The following C8orf34 variants were observed in gnomAD, a reference collection of about 807,000 sequenced individuals.
C8orf34 encodes chromosome 8 open reading frame 34, also known as uncharacterized protein C8orf34.
In C8orf34, 65 loss-of-function variants were observed where a neutral mutation model predicts 68.3. The observed-to-expected ratio is 0.95, with a 90% confidence interval of 0.78 to 1.17. The LOEUF (loss-of-function observed/expected upper bound fraction) is 1.17, where lower values mean the gene tolerates loss of function less well. C8orf34 is among the 50% of genes most tolerant of loss of function. The pLI is 0.00. For missense variants in C8orf34, 664 were observed against 655.4 expected, an observed-to-expected ratio of 1.01 and a Z score of -0.14; for synonymous variants, 244 against 241.2, an observed-to-expected ratio of 1.01 and a Z score of -0.11.
At position 68,521,815 on chromosome 8, in the gene C8orf34, A is replaced by T; in HGVS notation, c.782A>T (p.Asn261Ile). The T allele has an allele frequency of 6.2e-7, 1 of 1,613,176 alleles. No homozygotes were observed. The highest frequency in any genetic ancestry group is 2.2e-5 in the East Asian group (1 of 44,836). The change falls in exon 6 of 14, where the codon AAT (asparagine) becomes ATT (isoleucine). Residue 261 changes from asparagine (N) to isoleucine (I), a missense_variant. By Grantham distance (149) the Asn-to-Ile change is moderately radical. Coordinates refer to ENST00000518698, the MANE Select transcript of C8orf34 (RefSeq NM_052958.4). ...DELDKETVTF[N>I]SSLLRPRVIG... ...TCTCTTCAGGAAACAGTGACATTTAATTCTTCTCTTCTGAGGCCCCGTGTG... is the reference window on the plus strand; with the variant it reads ...TCTCTTCAGGAAACAGTGACATTTATTTCTTCTCTTCTGAGGCCCCGTGTG...
At chr8:68,541,309 A>T (rs11990513) in intron 7 of C8orf34, among the ~76,000 whole-genome samples, 2,435 of 151,910 alleles carry the variant, frequency 0.016, 71 homozygotes, top group Admixed American at 0.066. Context: ...TTAAAAATTT[A>T]AAAAAAATTA....
chr8:68,665,949 T>C (rs1032403623), intron 8 of C8orf34, among the ~76,000 whole-genome samples: 10 of 152,228 alleles, frequency 6.6e-5, no homozygotes, highest in African/African-American at 2.4e-4. Flanking sequence ...CCAAAACACA[T>C]ATAATTACCA....
At position 68,588,934 on chromosome 8, in the gene C8orf34, G is replaced by A. The variant is rs117915910; in HGVS notation, c.1106-51442G>A. On this transcript the variant is annotated intron_variant, in intron 7 of 13. Transcript: ENST00000518698. ...CAGACTCCTCAACCCTGTTACTATC[G>A]TTCAGAGTAGCCACAGACAGTATGT... Among the ~76,000 whole-genome samples, 81 of 152,170 alleles carry A rather than the reference G, an allele frequency of 5.3e-4. No homozygotes were observed. In the East Asian group the frequency reaches 0.015, roughly 28 times the overall value.
At chr8:68,800,887 T>A (rs1824309512) in intron 12 of C8orf34, among the ~76,000 whole-genome samples, 1 of 152,176 alleles carries the variant, frequency 6.6e-6, no homozygotes, top group Admixed American at 6.5e-5. Context: ...AGTGTTGGTG[T>A]TCTGAATCCA....
At chr8:68,388,647 A>G (rs1196909866) in intron 1 of C8orf34, among the ~76,000 whole-genome samples, 1 of 152,190 alleles carries the variant, frequency 6.6e-6, no homozygotes, top group Middle Eastern at 3.4e-3. Context: ...ATATTCATCA[A>G]AAGAAATGAA....
At chr8:68,799,408 C>G (rs1178613102) in intron 12 of C8orf34, among the ~76,000 whole-genome samples, 2 of 152,142 alleles carry the variant, frequency 1.3e-5, no homozygotes, top group African/African-American at 4.8e-5. Flanking sequence ...TATTGTTTTT[C>G]TCTATGGATT....
At chr8:68,590,170 G>A (rs1817344262) in intron 7 of C8orf34, among the ~76,000 whole-genome samples, 1 of 129,234 alleles carries the variant, frequency 7.7e-6, no homozygotes, top group East Asian at 2.6e-4. Flanking sequence ...GAAGGAAGGA[G>A]GAAAGACAGG....
At chr8:68,603,214 C>A (rs976068403) in intron 7 of C8orf34, among the ~76,000 whole-genome samples, 1 of 152,212 alleles carries the variant, frequency 6.6e-6, no homozygotes, top group Non-Finnish European at 1.5e-5. Context: ...AGGACCAAAA[C>A]TCTCATTGCT....
At chr8:68,703,090 T>G (rs1821066371) in intron 8 of C8orf34, among the ~76,000 whole-genome samples, 1 of 152,168 alleles carries the variant, frequency 6.6e-6, no homozygotes, top group African/African-American at 2.4e-5. Flanking sequence ...TAGTCCATCT[T>G]CCTTAAGTCT....
chr8:68,630,348 T>G (rs10100961), intron 7 of C8orf34, among the ~76,000 whole-genome samples: 49,955 of 151,954 alleles, frequency 0.33, 9,703 homozygotes, highest in Non-Finnish European at 0.43. Flanking sequence ...TATTTTGCAT[T>G]ATTTTATTTG....
At chr8:68,772,433 A>C (rs774435798) in intron 10 of C8orf34, among the ~76,000 whole-genome samples, 3 of 152,200 alleles carry the variant, frequency 2.0e-5, no homozygotes, top group Non-Finnish European at 4.4e-5. Context: ...CTCACTGAGA[A>C]TGTTTCCTTA....
intron 3 of C8orf34, among the ~76,000 whole-genome samples, chr8:68,452,286 G>T (rs1477954136): frequency 6.6e-6 from 1 of 150,626 alleles, no homozygotes; most frequent in Non-Finnish European, 1.5e-5. Context: ...GATTTGCTGG[G>T]TTATATGATA....
intron 10 of C8orf34, among the ~76,000 whole-genome samples, chr8:68,739,073 C>T (rs1457597372): frequency 6.6e-6 from 1 of 152,124 alleles, no homozygotes; most frequent in Non-Finnish European, 1.5e-5. Context: ...CTGAAACCAG[C>T]AGCACATCAA....
intron 5 of C8orf34, among the ~76,000 whole-genome samples, chr8:68,508,248 C>A (rs1241674412): frequency 1.3e-5 from 2 of 152,136 alleles, no homozygotes; most frequent in Non-Finnish European, 2.9e-5. Flanking sequence ...CCTTCTTGCC[C>A]AATTCTGAAA....
intron 7 of C8orf34, among the ~76,000 whole-genome samples, chr8:68,609,653 A>G (rs752340452): frequency 2.0e-5 from 3 of 152,178 alleles, no homozygotes; most frequent in Non-Finnish European, 1.5e-5. Context: ...TTCAGTTTGC[A>G]GTAGATAGAA....
chr8:68,533,587 A>T (rs1275185501), intron 7 of C8orf34: 1 of 985,816 alleles, frequency 1.0e-6, no homozygotes, highest in African/African-American at 1.7e-5. Context: ...ATAAAGTTGA[A>T]AGGGGCAGAT....
intron 8 of C8orf34, among the ~76,000 whole-genome samples, chr8:68,645,312 C>T (rs146531300): frequency 1.3e-3 from 196 of 152,246 alleles, no homozygotes; most frequent in African/African-American, 4.4e-3. Context: ...CTCTTTTTCT[C>T]GCATGCTGGA....
intron 7 of C8orf34, among the ~76,000 whole-genome samples, chr8:68,623,792 A>G (rs965772806): frequency 7.9e-5 from 12 of 151,980 alleles, no homozygotes; most frequent in Non-Finnish European, 1.5e-4. Flanking sequence ...CACTAATCCT[A>G]TTCATGAGTG....
chr8:68,699,905 A>C (rs1820938446), intron 8 of C8orf34, among the ~76,000 whole-genome samples: 1 of 152,096 alleles, frequency 6.6e-6, no homozygotes, highest in African/African-American at 2.4e-5. Flanking sequence ...AGGAAGTTAC[A>C]AGGAAAATTT....
Sources: allele counts gnomAD v4.1 joint callset (sites outside exome capture counted in the v4.1 genomes callset), GRCh38; gene constraint gnomAD v4.1.1; transcripts MANE v1.5; gene names NCBI Gene and HGNC (gene_info 2026-07-23, HGNC 2026-07-21).